SPATS2: variants seen among roughly 807,000 people sequenced by gnomAD.
The protein encoded by SPATS2 is spermatogenesis-associated serine-rich protein 2.
A neutral mutation model predicts 63.7 loss-of-function variants in SPATS2; 38 were observed. The ratio of observed to expected loss-of-function variants is 0.60; its 90% CI spans 0.46 to 0.78. The LOEUF (loss-of-function observed/expected upper bound fraction) is 0.78, where lower values mean the gene tolerates loss of function less well. Among genes scored for constraint, SPATS2 ranks in the 30% least tolerant of loss-of-function variants. The pLI is 0.00. For synonymous variants in SPATS2, 207 were observed against 232.9 expected, an observed-to-expected ratio of 0.89 and a Z score of 1.01; for missense variants, 588 against 666.2, an observed-to-expected ratio of 0.88 and a Z score of 1.29.
At chr12:49,513,593 T>C (rs931180905) in intron 9 of SPATS2, among the ~76,000 whole-genome samples, 3 of 152,216 alleles carry the variant, frequency 2.0e-5, no homozygotes, top group African/African-American at 7.2e-5. Flanking sequence ...TCTTTTTCTG[T>C]AAAAAGCCTA....
intron 9 of SPATS2, chr12:49,512,889 A>G (rs914162758): frequency 4.7e-6 from 6 of 1,289,120 alleles, no homozygotes; most frequent in Non-Finnish European, 3.0e-6. Context: ...GAGTTCTTGG[A>G]GCAAAATATT....
intron 2 of SPATS2, among the ~76,000 whole-genome samples, chr12:49,414,540 G>A (rs2137379204): frequency 6.6e-6 from 1 of 152,226 alleles, no homozygotes; most frequent in South Asian, 2.1e-4. Context: ...TCTAAATAAA[G>A]TTTTAATCTT....
chr12:49,369,030 C>CTTTTTTTTT (rs35158946), intron 1 of SPATS2, among the ~76,000 whole-genome samples: 1 of 102,622 alleles, frequency 9.7e-6, no homozygotes, highest in Non-Finnish European at 1.8e-5. Context: ...CAATGTGCCT[C>CTTTTTTTTT]TTTTTTTTTT....
At chr12:49,390,135 C>T (rs1439003246) in intron 2 of SPATS2, 2 of 1,541,696 alleles carry the variant, frequency 1.3e-6, no homozygotes, top group Non-Finnish European at 1.8e-6. Context: ...CATTAGTGAC[C>T]AACAGTGACT....
chr12:49,371,952 G>GTT (rs55899804), intron 2 of SPATS2, among the ~76,000 whole-genome samples: 1 of 138,282 alleles, frequency 7.2e-6, no homozygotes, highest in Non-Finnish European at 1.6e-5. Flanking sequence ...CTCCTTTCAG[G>GTT]TTTTTTTTTT....
chr12:49,516,187 ATATATATATAT>A (rs1946844951), intron 10 of SPATS2, among the ~76,000 whole-genome samples: 3 of 103,514 alleles, frequency 2.9e-5, no homozygotes, highest in African/African-American at 1.0e-4. Flanking sequence ...ATATATATAT[ATATATATATAT>A]ATATATATAT....
chr12:49,514,498 T>C lies in SPATS2; in HGVS notation c.840-57T>C, dbSNP rs1377836029. ...TCTTTCTTTACTATTAATAATGTGC[T>C]AATTTTGTATTTGAGTTTCTGATCA... On this transcript the variant is annotated intron_variant, in intron 9 of 13. Transcript: ENST00000552918. 11 of 1,526,584 alleles carry C rather than the reference T, an allele frequency of 7.2e-6. No homozygotes were observed. The East Asian group carries it at 2.3e-4, about 31-fold the overall frequency. 94.6% of individuals were successfully genotyped at this position (1,526,584 alleles called of 1,614,324 possible). A position where few individuals can be genotyped will look rare whatever the true frequency, so the allele number is the denominator to read the frequency against.
chr12:49,496,044 G>A (rs144379935), intron 7 of SPATS2, among the ~76,000 whole-genome samples: 9 of 152,288 alleles, frequency 5.9e-5, no homozygotes, highest in Admixed American at 2.6e-4. Flanking sequence ...CTGCCCTGCT[G>A]CTCCTGGCTT....
At chr12:49,463,598 TA>T (rs1945860109) in intron 3 of SPATS2, 4 of 152,200 alleles carry the variant, frequency 2.6e-5, no homozygotes, top group Admixed American at 2.6e-4. Context: ...CCATGACATA[TA>T]AAATATTACA....
At chr12:49,438,870 A>G (rs116975633) in intron 2 of SPATS2, among the ~76,000 whole-genome samples, 332 of 152,354 alleles carry the variant, frequency 2.2e-3, no homozygotes, top group Non-Finnish European at 4.3e-3. Context: ...TTCTAGGCCT[A>G]GGGATACAAG....
At chr12:49,407,017 C>T (rs1944709251) in intron 2 of SPATS2, among the ~76,000 whole-genome samples, 1 of 152,216 alleles carries the variant, frequency 6.6e-6, no homozygotes, top group African/African-American at 2.4e-5. Context: ...CTCCACGCCT[C>T]TTTCATGGTC....
chr12:49,406,438 C>G (rs1275077758), intron 2 of SPATS2: 1 of 151,550 alleles, frequency 6.6e-6, no homozygotes, highest in Non-Finnish European at 1.5e-5. Context: ...ATGTGCACCA[C>G]CATACCTGAC....
chr12:49,412,375 G>C (rs551855037), intron 2 of SPATS2, among the ~76,000 whole-genome samples: 1 of 151,910 alleles, frequency 6.6e-6, no homozygotes, highest in South Asian at 2.1e-4. Context: ...TTGTGTTTTT[G>C]GTAGAGGCAG....
chr12:49,519,222 C>A, intron 11 of SPATS2, 40 bp downstream of exon 11: 1 of 1,524,794 alleles, frequency 6.6e-7, no homozygotes. Flanking sequence ...TTCTTATCCT[C>A]AGGGGCTAAA....
intron 10 of SPATS2, among the ~76,000 whole-genome samples, chr12:49,515,145 TAAA>T (rs1337547970): frequency 6.6e-6 from 1 of 152,224 alleles, no homozygotes; most frequent in Admixed American, 6.5e-5. Context: ...GAAAGCTTAC[TAAA>T]ATAGATTCTG....
intron 2 of SPATS2, among the ~76,000 whole-genome samples, chr12:49,395,149 AATT>A (rs1227610627): frequency 6.6e-6 from 1 of 151,708 alleles, no homozygotes; most frequent in Non-Finnish European, 1.5e-5. Flanking sequence ...TTTAATTTAA[AATT>A]TTTTTAATTT....
At chr12:49,454,156 C>T (rs928241097) in intron 2 of SPATS2, 1 of 152,230 alleles carries the variant, frequency 6.6e-6, no homozygotes, top group Non-Finnish European at 1.5e-5. Context: ...AGCCACTGCA[C>T]CTGGCCGCGA....
chr12:49,490,593 C>T (rs1946365568), intron 5 of SPATS2, 89 bp from the exon 6 acceptor site: 1 of 1,213,096 alleles, frequency 8.2e-7, no homozygotes, highest in Non-Finnish European at 1.2e-6. Context: ...GTAAATTCTC[C>T]AGCAATTACA....
intron 2 of SPATS2, chr12:49,441,670 A>G (rs1592399641): frequency 6.6e-6 from 1 of 152,166 alleles, no homozygotes; most frequent in South Asian, 2.1e-4. Flanking sequence ...GTTGTACACA[A>G]TTCTTAACGT....
Sources: gnomAD v4.1 joint callset for allele counts (sites outside exome capture counted in the v4.1 genomes callset) on GRCh38, gnomAD v4.1.1 for gene constraint, MANE v1.5 for transcripts, NCBI Gene and HGNC (gene_info 2026-07-23, HGNC 2026-07-21) for gene names.